GTF3C4: variants seen among roughly 807,000 people sequenced by gnomAD.
The protein encoded by GTF3C4 is general transcription factor 3C polypeptide 4.
Under a neutral mutation model 67.5 loss-of-function variants are expected in GTF3C4, and 28 were observed. The observed-to-expected ratio is 0.41, with a 90% CI of 0.31 to 0.57. The LOEUF is 0.57. Among genes scored for constraint, GTF3C4 ranks in the 20% least tolerant of loss-of-function variants. The pLI, the probability that GTF3C4 is intolerant of heterozygous loss-of-function variation, is 0.21. For synonymous variants in GTF3C4, 409 were observed against 393.0 expected, an observed-to-expected ratio of 1.04 and a Z score of -0.48; for missense variants, 831 against 1,033.2, an observed-to-expected ratio of 0.80 and a Z score of 2.68.
At chr9:132,672,571 A>G (rs1196189318) in intron 1 of GTF3C4, among the ~76,000 whole-genome samples, 1 of 152,214 alleles carries the variant, frequency 6.6e-6, no homozygotes, top group African/African-American at 2.4e-5. Flanking sequence ...AGAGAGTCCG[A>G]GAAAGTAAGA....
At chr9:132,685,115 A>C (rs1458846329) in intron 3 of GTF3C4, among the ~76,000 whole-genome samples, 1 of 151,330 alleles carries the variant, frequency 6.6e-6, no homozygotes, top group Admixed American at 6.6e-5. Context: ...CCTGGGTTCA[A>C]GCGATTCTCC....
rs753752930 is a variant in GTF3C4, at chr9:132,670,552, C to T, written c.-47C>T. ...GGCGGCGGTCCGGGAGGTGGTCGCG[C>T]GACTGCGTGGAGCGCCAGGGCGTCC... On this transcript the variant is annotated 5_prime_UTR_variant, in exon 1 of 5. Transcript: ENST00000372146. The T allele has an allele frequency of 1.3e-5, 17 of 1,329,570 alleles. No individual in the cohort carries two copies. The South Asian group carries it at 2.5e-4, about 20-fold the overall frequency. The allele number at this position is 1,329,570 out of a possible 1,614,324, so 82.4% of individuals were successfully genotyped here. A position where few individuals can be genotyped will look rare whatever the true frequency, so the allele number is the denominator to read the frequency against.
chr9:132,686,601 AGAG>A (rs1192340953), intron 3 of GTF3C4, among the ~76,000 whole-genome samples: 5 of 152,234 alleles, frequency 3.3e-5, no homozygotes, highest in African/African-American at 1.2e-4. Flanking sequence ...GTAGATGGTC[AGAG>A]AATAATCCTT....
intron 2 of GTF3C4, among the ~76,000 whole-genome samples, chr9:132,681,843 G>A (rs572558057): frequency 8.9e-4 from 136 of 152,036 alleles, no homozygotes; most frequent in South Asian, 1.2e-3. Context: ...ATATATCTGG[G>A]CCGGGCACAG....
upstream of GTF3C4, chr9:132,670,332 CA>C: frequency 6.9e-7 from 1 of 1,455,594 alleles, no homozygotes; most frequent in Non-Finnish European, 9.1e-7. Flanking sequence ...AGCTCCCTAA[CA>C]GGCTCTGGAG....
rs1031095792 is a variant in GTF3C4 at position 132,690,552 on chromosome 9, A to C, written c.*1607A>C. 6.6e-6 allele frequency: 1 copy of C among 150,882 alleles called. No homozygotes were observed. The highest frequency in any genetic ancestry group is 1.5e-5 in the Non-Finnish European group (1 of 67,732). 9.3% of individuals were successfully genotyped at this position (150,882 alleles called of 1,614,324 possible). A position where few individuals can be genotyped will look rare whatever the true frequency, so the allele number is the denominator to read the frequency against. On this transcript the variant is annotated 3_prime_UTR_variant, in exon 5 of 5. Coordinates refer to ENST00000372146, the MANE Select transcript of GTF3C4 (RefSeq NM_012204.4). ...GACCAGCCCTTGGAGGCACTTCTAA[A>C]CAGTCTGCTCAGAAATGTTTTCTGT...
At chr9:132,687,090 G>T in intron 3 of GTF3C4, 149 bp from the exon 4 acceptor site, 1 of 701,494 alleles carries the variant, frequency 1.4e-6, no homozygotes, top group Non-Finnish European at 2.6e-6. Context: ...TGCACAGGGG[G>T]ATGCATTGTT....
chr9:132,670,457 G>A, upstream of GTF3C4: 1 of 945,310 alleles, frequency 1.1e-6, no homozygotes, highest in East Asian at 3.2e-5. Flanking sequence ...GCAACGGCGG[G>A]GTCCTTCTTG....
At chr9:132,676,867 A>G (rs551098424) in intron 1 of GTF3C4, among the ~76,000 whole-genome samples, 1 of 152,324 alleles carries the variant, frequency 6.6e-6, no homozygotes, top group Admixed American at 6.5e-5. Flanking sequence ...TTTAAAGAGC[A>G]GCCTCTTTGA....
Position 132,691,677 on chromosome 9 carries a change from G to A in GTF3C4, c.*2732G>A, listed in dbSNP as rs2769950. 72,506 of 151,996 alleles carry A rather than the reference G, an allele frequency of 0.48. 18,049 individuals are homozygous for A. Among genetic ancestry groups the A allele is most frequent in the African/African-American group, 0.61 (25,435 of 41,472 alleles). 9.4% of individuals were successfully genotyped at this position (151,996 alleles called of 1,614,324 possible). On this transcript the variant is annotated 3_prime_UTR_variant, in exon 5 of 5. Transcript: ENST00000372146. ...GCTTGGTACTCATTCTGAAATCCCT[G>A]TGTGTCCACCAGGCAGACTTCAAGC...
chr9:132,686,278 T>C (rs985668524), intron 3 of GTF3C4, among the ~76,000 whole-genome samples: 6 of 152,210 alleles, frequency 3.9e-5, no homozygotes, highest in Admixed American at 1.3e-4. Flanking sequence ...GAAAACTGTT[T>C]TCATTTTTCT....
chr9:132,687,109 G>C (rs1836041784), intron 3 of GTF3C4, 130 bp from the exon 4 acceptor site: 2 of 724,474 alleles, frequency 2.8e-6, no homozygotes, highest in Admixed American at 3.6e-5. Context: ...TTATGTGAAT[G>C]TATGAGTATC....
chr9:132,671,940 T>C (rs139973870), intron 1 of GTF3C4, among the ~76,000 whole-genome samples: 1 of 152,342 alleles, frequency 6.6e-6, no homozygotes, highest in East Asian at 1.9e-4. Context: ...TCGTAAACTC[T>C]TATTTTGGAA....
chr9:132,670,716 GC>G lies in GTF3C4; in HGVS notation c.122del (p.Pro41ArgfsTer11). The G allele has an allele frequency of 6.5e-7, 1 of 1,527,870 alleles. No homozygotes were observed. 94.6% of individuals were successfully genotyped at this position (1,527,870 alleles called of 1,614,324 possible). ...CGGGAAGGAGCCAGCAGCGGACGCG[GC>G]CCCGGGGCCCAGCGCTGCATTCCGC... ...AGGKEPAADA[A>X]PGPSAAFRLM... On this transcript the variant is annotated frameshift_variant, in exon 1 of 5. Coordinates refer to ENST00000372146, the MANE Select transcript of GTF3C4 (RefSeq NM_012204.4). LOFTEE classifies it high-confidence loss of function.
intron 1 of GTF3C4, among the ~76,000 whole-genome samples, chr9:132,676,654 T>C (rs1405465976): frequency 6.6e-6 from 1 of 152,138 alleles, no homozygotes; most frequent in Non-Finnish European, 1.5e-5. Context: ...TGTTGCACTC[T>C]GATTTTCTGA....
rs1414979120 is a variant in GTF3C4, at chr9:132,670,832, G to T, written c.234G>T (p.Val78=). Residue 78 remains valine, a synonymous_variant, in exon 1 of 5, where the codon GTG becomes GTT. Transcript: ENST00000372146. ...EPLAWSEDHR[V]SVSTARSIAV... ...TGGCTTGGTCCGAGGACCACCGCGT[G>T]TCTGTGTCCACGGCCCGCAGCATCG... 38 of 1,609,634 alleles carry T rather than the reference G, an allele frequency of 2.4e-5. No homozygotes were observed. The highest frequency in any genetic ancestry group is 3.0e-5 in the Non-Finnish European group (35 of 1,179,528).
At position 132,681,617 on chromosome 9, in the gene GTF3C4, A is replaced by C. The variant is rs185445689; in HGVS notation, c.2184+1814A>C. 4.6e-5 allele frequency among the ~76,000 whole-genome samples: 7 copies of C among 152,130 alleles called. No homozygotes were observed. The East Asian group carries it at 1.4e-3, about 29-fold the overall frequency. ...GAATTGCCCCTGCCCATGAAGTTTTAATGTATTTTGTGTGTCTGTTTATGT... is the reference window on the plus strand; with the variant it reads ...GAATTGCCCCTGCCCATGAAGTTTTCATGTATTTTGTGTGTCTGTTTATGT... On this transcript the variant is annotated intron_variant, in intron 2 of 4. Transcript: ENST00000372146.
Position 132,679,665 on chromosome 9 carries a change from C to T in GTF3C4, c.2046C>T (p.His682=). Residue 682 remains histidine (H), a synonymous_variant, in exon 2 of 5, where the codon CAC becomes CAT. Transcript: ENST00000372146. This position sits in a 1 kb window ranked among gnomAD's most constrained non-coding sequence, Gnocchi z 5.9. ...IQGKIEAVEM[H]LTREHMKRVL... ...GGAAAATCGAAGCTGTGGAGATGCACTTGACCAGGGAACACATGAAGCGAG... is the reference window on the plus strand; with the variant it reads ...GGAAAATCGAAGCTGTGGAGATGCATTTGACCAGGGAACACATGAAGCGAG... 1 of 1,614,174 alleles carries T rather than the reference C, an allele frequency of 6.2e-7. No individual in the cohort carries two copies. The highest frequency in any genetic ancestry group is 2.2e-5 in the East Asian group (1 of 44,878).
At chr9:132,670,092 G>C, upstream of GTF3C4, 7 of 1,561,764 alleles carry the variant, frequency 4.5e-6, no homozygotes, top group Non-Finnish European at 6.1e-6. Context: ...AGCCGGGGAC[G>C]GCGGCACCGG....
Sources: gnomAD v4.1 joint callset for allele counts (sites outside exome capture counted in the v4.1 genomes callset) on GRCh38, gnomAD v4.1.1 for gene constraint, Gnocchi (gnomAD v3.1) non-coding constraint, MANE v1.5 for transcripts, NCBI Gene and HGNC (gene_info 2026-07-23, HGNC 2026-07-21) for gene names.